The following RBFOX1 variants were observed in gnomAD, a reference collection of about 807,000 sequenced individuals.
The protein encoded by RBFOX1 is RNA binding fox-1 homolog 1, also known as RNA binding protein fox-1 homolog 1.
In RBFOX1, 8 loss-of-function variants were observed where a neutral mutation model predicts 57.7. The ratio of observed to expected loss-of-function variants is 0.14; its 90% CI spans 0.08 to 0.25. RBFOX1 has a LOEUF of 0.25. RBFOX1 is among the 10% of genes least tolerant of loss of function. RBFOX1 has a pLI of 1.00. For synonymous variants in RBFOX1, 326 were observed against 222.4 expected (o/e 1.47, Z -4.15); for missense variants, 611 against 548.5 (o/e 1.11, Z -1.14).
intron 2 of RBFOX1, among the ~76,000 whole-genome samples, chr16:5,553,378 C>T (rs1597496719): frequency 6.6e-6 from 1 of 151,226 alleles, no homozygotes; most frequent in East Asian, 2.0e-4. Flanking sequence ...TGCAGTGGCA[C>T]AATCTCAGCT....
chr16:6,019,531 C>T lies in RBFOX1; in HGVS notation c.-588C>T. ...CCGCGGTGGGGCGGGGGCGCTCTGC[C>T]AGCCCCGGGAACAGCAGAGGCGGCG... On this transcript the variant is annotated 5_prime_UTR_variant, in exon 1 of 16. Transcript: ENST00000550418. The surrounding 1 kb of genome is among the most constrained non-coding windows in gnomAD (Gnocchi z 4.2). 4 of 1,076,356 alleles carry T rather than the reference C, an allele frequency of 3.7e-6. No homozygotes were observed. Among genetic ancestry groups the T allele is most frequent in the Non-Finnish European group, 4.5e-6 (4 of 888,732 alleles). 66.7% of individuals were successfully genotyped at this position (1,076,356 alleles called of 1,614,324 possible).
intron 2 of RBFOX1, among the ~76,000 whole-genome samples, chr16:5,578,627 A>C (rs767031377): frequency 6.6e-6 from 1 of 152,204 alleles, no homozygotes; most frequent in Non-Finnish European, 1.5e-5. Flanking sequence ...TTGTTGTTCT[A>C]TTAATTTAGC....
intron 1 of RBFOX1, among the ~76,000 whole-genome samples, chr16:6,243,144 C>G (rs13339520): frequency 0.21 from 31,087 of 147,348 alleles, 3,884 homozygotes; most frequent in African/African-American, 0.37. Flanking sequence ...ATACGTGTGT[C>G]TGTGTGTGTG....
intron 3 of RBFOX1, among the ~76,000 whole-genome samples, chr16:6,736,632 A>G (rs2070389215): frequency 6.6e-6 from 1 of 152,244 alleles, no homozygotes. Flanking sequence ...ATGTGCAAGT[A>G]TCTTTTTCAA....
At position 5,597,482 on chromosome 16, in the gene RBFOX1, C is replaced by G. The variant is rs563149617; in HGVS notation, c.259-1420C>G. Reference sequence around the variant, plus strand: ...GGCGGTGGTCTTGGCTCACTGCAACCTGTACCTCCCAGGTTCAAGCGATTC... The same window carrying G: ...GGCGGTGGTCTTGGCTCACTGCAACGTGTACCTCCCAGGTTCAAGCGATTC... On this transcript the variant is annotated intron_variant, in intron 2 of 2. Coordinates refer to the RBFOX1 transcript ENST00000585867. 1.2e-3 allele frequency among the ~76,000 whole-genome samples: 179 copies of G among 148,754 alleles called. 1 individual carries two copies. The highest frequency in any genetic ancestry group is 3.5e-3 in the Middle Eastern group (1 of 284).
At chr16:7,578,106 C>T (rs2093474184) in intron 5 of RBFOX1, among the ~76,000 whole-genome samples, 2 of 152,150 alleles carry the variant, frequency 1.3e-5, no homozygotes, top group Admixed American at 1.3e-4. Context: ...AGGTTTATTT[C>T]TCTTTTTGGT....
intron 4 of RBFOX1, among the ~76,000 whole-genome samples, chr16:7,058,077 C>G (rs1227789187): frequency 2.0e-5 from 3 of 151,238 alleles, no homozygotes; most frequent in Non-Finnish European, 4.4e-5. Context: ...TGGATATCAG[C>G]TGAACAAAGG....
At chr16:6,641,901 C>G (rs184531839) in intron 2 of RBFOX1, among the ~76,000 whole-genome samples, 2 of 152,254 alleles carry the variant, frequency 1.3e-5, no homozygotes, top group South Asian at 2.1e-4. Context: ...ACACACACCA[C>G]TGACCCAGTT....
chr16:6,537,239 C>A (rs1002772656), intron 2 of RBFOX1, among the ~76,000 whole-genome samples: 9 of 152,110 alleles, frequency 5.9e-5, no homozygotes, highest in African/African-American at 2.2e-4. Flanking sequence ...GGTGTTGTTC[C>A]TGATGCCGGT....
chr16:7,705,958 A>T (rs1202923893), intron 14 of RBFOX1, among the ~76,000 whole-genome samples: 1 of 152,126 alleles, frequency 6.6e-6, no homozygotes, highest in African/African-American at 2.4e-5. Flanking sequence ...GGTGTGGAGG[A>T]TGACCATATA....
In RBFOX1 at chr16:5,567,306, A is replaced by G. The variant is rs193259733; in HGVS notation, c.259-31596A>G. On this transcript the variant is annotated intron_variant, in intron 2 of 2. Transcript: ENST00000585867. ...TCACTTTGCAGTGGCTGTGTGTTGC[A>G]GCACTTTGGTCAGGTTAAGTGGTGA... is the stretch of plus-strand genomic sequence containing the variant. Among the ~76,000 whole-genome samples the G allele has an allele frequency of 9.8e-5, 15 of 152,336 alleles. No individual in the cohort carries two copies. The East Asian group carries it at 2.7e-3, about 27-fold the overall frequency.
chr16:6,677,605 C>G (rs1440454801), intron 3 of RBFOX1, among the ~76,000 whole-genome samples: 2 of 152,124 alleles, frequency 1.3e-5, no homozygotes, highest in African/African-American at 4.8e-5. Context: ...CTTACATTTT[C>G]AATCAAAGAT....
At chr16:7,320,528 G>C (rs1403009835) in intron 4 of RBFOX1, among the ~76,000 whole-genome samples, 1 of 152,144 alleles carries the variant, frequency 6.6e-6, no homozygotes, top group African/African-American at 2.4e-5. Flanking sequence ...GATTAGTGCT[G>C]TATGCACTAA....
intron 10 of RBFOX1, among the ~76,000 whole-genome samples, chr16:7,619,983 A>C (rs1294025519): frequency 6.6e-6 from 1 of 152,230 alleles, no homozygotes. Flanking sequence ...GACATATCTT[A>C]TCACATTAAA....
chr16:6,223,477 C>T (rs2152885483), intron 1 of RBFOX1, among the ~76,000 whole-genome samples: 1 of 152,152 alleles, frequency 6.6e-6, no homozygotes, highest in Non-Finnish European at 1.5e-5. Context: ...TTTCATGTGT[C>T]TTTTGGCTGC....
chr16:5,604,631 G>C (rs980828487), downstream of RBFOX1, among the ~76,000 whole-genome samples: 1 of 152,124 alleles, frequency 6.6e-6, no homozygotes, highest in African/African-American at 2.4e-5. Flanking sequence ...GAAGTAACTC[G>C]TGGGTCCTGC....
chr16:7,012,874 C>T (rs910796856), intron 3 of RBFOX1, among the ~76,000 whole-genome samples: 1 of 152,088 alleles, frequency 6.6e-6, no homozygotes, highest in African/African-American at 2.4e-5. Flanking sequence ...TTTATTTTCC[C>T]ATAGCTGGGG....
chr16:7,599,154 G>T (rs1241655691), intron 9 of RBFOX1, among the ~76,000 whole-genome samples: 1 of 152,214 alleles, frequency 6.6e-6, no homozygotes, highest in Non-Finnish European at 1.5e-5. Flanking sequence ...CTGAACTGAA[G>T]CAAACCTCTG....
chr16:6,847,968 T>C (rs755309760), intron 3 of RBFOX1, among the ~76,000 whole-genome samples: 2 of 152,026 alleles, frequency 1.3e-5, no homozygotes, highest in African/African-American at 2.4e-5. Flanking sequence ...TAGCTAAGAC[T>C]ATAGGCACCT....
Sources: gnomAD v4.1 joint callset for allele counts (sites outside exome capture counted in the v4.1 genomes callset) on GRCh38, gnomAD v4.1.1 for gene constraint, Gnocchi (gnomAD v3.1) non-coding constraint, MANE v1.5 for transcripts, NCBI Gene and HGNC (gene_info 2026-07-23, HGNC 2026-07-21) for gene names.